TENM4: variants seen among roughly 807,000 people sequenced by gnomAD.
TENM4 encodes teneurin-4.
A neutral mutation model predicts 243.3 loss-of-function variants in TENM4; 82 were observed. The observed-to-expected ratio is 0.34, with a 90% CI of 0.28 to 0.40. The LOEUF is 0.40. TENM4 is among the 10% of genes least tolerant of loss of function. The pLI is 1.00. For missense variants in TENM4, 3,138 were observed against 3,673.3 expected, an observed-to-expected ratio of 0.85 and a Z score of 3.77; for synonymous variants, 1,412 against 1,456.3, an observed-to-expected ratio of 0.97 and a Z score of 0.69.
At chr11:79,028,944 C>G (rs984582820) in intron 6 of TENM4, among the ~76,000 whole-genome samples, 1 of 152,068 alleles carries the variant, frequency 6.6e-6, no homozygotes, top group East Asian at 1.9e-4. Context: ...TATGTGTACA[C>G]CATTAAGATT....
chr11:79,365,566 T>C lies in TENM4; in HGVS notation c.-320-68023A>G, dbSNP rs186416029. The stretch of plus-strand genomic sequence containing the variant: ...CCCATTGTCTATTCCAGAAACATTT[T>C]TGCCAAGCTCTGGGCCAGGCGCTGA... On this transcript the variant is annotated intron_variant, in intron 1 of 33. Transcript: ENST00000278550. Among the ~76,000 whole-genome samples, 60 of 152,342 alleles carry C rather than the reference T, an allele frequency of 3.9e-4. No individual in the cohort carries two copies. In the Middle Eastern group the frequency reaches 0.02, roughly 52 times the overall value.
At chr11:79,205,483 C>G (rs1218889072) in intron 3 of TENM4, among the ~76,000 whole-genome samples, 1 of 152,212 alleles carries the variant, frequency 6.6e-6, no homozygotes. Context: ...TCCCTTCCAC[C>G]CCCAGCCCAG....
chr11:78,974,437 A>C (rs1857607255), intron 6 of TENM4, among the ~76,000 whole-genome samples: 1 of 152,258 alleles, frequency 6.6e-6, no homozygotes, highest in East Asian at 1.9e-4. Context: ...CACAACTTTT[A>C]AGGGGCCAAG....
chr11:79,321,173 T>C (rs1482361282), intron 1 of TENM4, among the ~76,000 whole-genome samples: 1 of 152,184 alleles, frequency 6.6e-6, no homozygotes, highest in Non-Finnish European at 1.5e-5. Flanking sequence ...TGAGGGGCTT[T>C]AATCAGGACA....
rs780501532 is a variant in TENM4 at position 78,661,479 on chromosome 11, C to G, written c.7521G>C (p.Gln2507His). 1 of 1,611,014 alleles carries G rather than the reference C, an allele frequency of 6.2e-7. No homozygotes were observed. Among genetic ancestry groups the G allele is most frequent in the South Asian group, 1.1e-5 (1 of 90,054 alleles). The change falls in exon 33 of 34, where the codon CAG becomes CAC. Residue 2507 changes from glutamine to histidine, a missense_variant. Physicochemically the swap from Gln to His is conservative, Grantham distance 24. Transcript: ENST00000278550. ...MEPSYELIHT[Q>H]MKTQEWDNSK... Reference sequence around the variant, plus strand: ...TGTTGTCCCACTCCTGCGTTTTCATCTGTGTGTGGATGAGCTCGTAGGAGG... The same window carrying G: ...TGTTGTCCCACTCCTGCGTTTTCATGTGTGTGTGGATGAGCTCGTAGGAGG...
At chr11:79,082,280 G>C (rs941474736) in intron 4 of TENM4, among the ~76,000 whole-genome samples, 17 of 152,026 alleles carry the variant, frequency 1.1e-4, no homozygotes, top group African/African-American at 3.9e-4. Flanking sequence ...GCTCTTTTTC[G>C]GTAGCACAAA....
Position 78,772,403 on chromosome 11 carries a change from A to C in TENM4, c.2393-1265T>G, listed in dbSNP as rs114413873. ...TCAAAAACCACCTGTCACTGGCAAG[A>C]GTTCCATCTCCTCTCTGCTGCTGCT... is the stretch of plus-strand genomic sequence containing the variant. On this transcript the variant is annotated intron_variant, in intron 17 of 33. Coordinates refer to ENST00000278550, the MANE Select transcript of TENM4 (RefSeq NM_001098816.3). 7.0e-3 allele frequency among the ~76,000 whole-genome samples: 1,066 copies of C among 152,328 alleles called. 15 individuals carry two copies. The highest frequency in any genetic ancestry group is 0.024 in the African/African-American group (1,018 of 41,570).
chr11:78,737,139 A>C (rs1198333950), intron 20 of TENM4, among the ~76,000 whole-genome samples: 1 of 152,242 alleles, frequency 6.6e-6, no homozygotes, highest in Non-Finnish European at 1.5e-5. Flanking sequence ...TTTTGGATGA[A>C]TGTTTCACAG....
chr11:78,903,847 G>C (rs1334944651), intron 6 of TENM4: 1 of 603,984 alleles, frequency 1.7e-6, no homozygotes, highest in Non-Finnish European at 3.1e-6. Flanking sequence ...TTTAGGACGT[G>C]GTTTTTAAAG....
At chr11:79,190,183 C>T (rs1050353278) in intron 3 of TENM4, among the ~76,000 whole-genome samples, 8 of 152,222 alleles carry the variant, frequency 5.3e-5, no homozygotes, top group Non-Finnish European at 1.0e-4. Flanking sequence ...CTCACCACCA[C>T]GGCATTTTAA....
chr11:79,236,882 G>C (rs1458414888), intron 2 of TENM4, among the ~76,000 whole-genome samples: 2 of 152,110 alleles, frequency 1.3e-5, no homozygotes, highest in Admixed American at 6.5e-5. Context: ...GGAGGTGTTT[G>C]TTTATCTGGA....
At chr11:79,129,794 G>A (rs990625258) in intron 4 of TENM4, among the ~76,000 whole-genome samples, 7 of 152,060 alleles carry the variant, frequency 4.6e-5, no homozygotes, top group African/African-American at 1.7e-4. Context: ...TGGTCCTTTC[G>A]TACCCACCCT....
intron 4 of TENM4, among the ~76,000 whole-genome samples, chr11:79,132,345 C>CAAAAAAACAAAAAAAAAAAAAA (rs1862023389): frequency 2.0e-5 from 1 of 49,964 alleles, no homozygotes; most frequent in Non-Finnish European, 4.2e-5. Context: ...GACTCCAACT[C>CAAAAAAACAAAAAAAAAAAAAA]AAAAAAAAAA....
At chr11:79,424,296 A>G (rs1262949289) in intron 1 of TENM4, among the ~76,000 whole-genome samples, 1 of 152,182 alleles carries the variant, frequency 6.6e-6, no homozygotes, top group Non-Finnish European at 1.5e-5. Flanking sequence ...ACAAAGAATT[A>G]TCTGGTCATT....
At chr11:79,434,967 T>C (rs2135621256) in intron 1 of TENM4, among the ~76,000 whole-genome samples, 1 of 152,316 alleles carries the variant, frequency 6.6e-6, no homozygotes, top group South Asian at 2.1e-4. Context: ...ATTATATCTG[T>C]CATACTATAA....
intron 25 of TENM4, among the ~76,000 whole-genome samples, chr11:78,712,943 C>A (rs747177289): frequency 3.3e-5 from 5 of 152,000 alleles, no homozygotes; most frequent in African/African-American, 9.7e-5. Context: ...TTGCAAGAAC[C>A]CCTTGCACTA....
At chr11:78,794,050 T>C (rs1206166563) in intron 15 of TENM4, among the ~76,000 whole-genome samples, 1 of 152,208 alleles carries the variant, frequency 6.6e-6, no homozygotes, top group Non-Finnish European at 1.5e-5. Context: ...CGTCTGTTCA[T>C]CCTCCATCCA....
At chr11:79,132,901 G>A (rs1462890776) in intron 4 of TENM4, among the ~76,000 whole-genome samples, 1 of 152,026 alleles carries the variant, frequency 6.6e-6, no homozygotes, top group Non-Finnish European at 1.5e-5. Context: ...AACACTGAAA[G>A]AGCACAAACT....
At chr11:79,353,756 GAAAA>G (rs10643530) in intron 1 of TENM4, among the ~76,000 whole-genome samples, 1 of 142,878 alleles carries the variant, frequency 7.0e-6, no homozygotes, top group African/African-American at 2.6e-5. Context: ...GAAAAAGGAG[GAAAA>G]AAAAAAAAAA....
Sources: gnomAD v4.1 joint callset for allele counts (sites outside exome capture counted in the v4.1 genomes callset) on GRCh38, gnomAD v4.1.1 for gene constraint, MANE v1.5 for transcripts, NCBI Gene and HGNC (gene_info 2026-07-23, HGNC 2026-07-21) for gene names.